The following APBA1 variants were observed in gnomAD, a reference collection of about 807,000 sequenced individuals.
APBA1 encodes amyloid beta precursor protein binding family A member 1.
Under a neutral mutation model 86.6 loss-of-function variants are expected in APBA1, and 55 were observed. That is an observed-to-expected ratio of 0.64 (90% CI 0.51 to 0.80). APBA1 has a LOEUF of 0.80. Among genes scored for constraint, APBA1 ranks in the 30% least tolerant of loss-of-function variants. The pLI is 0.00. For missense variants in APBA1, 1,090 were observed against 1,183.0 expected (o/e 0.92, Z 1.15); for synonymous variants, 511 against 493.9 (o/e 1.03, Z -0.46).
At chr9:69,575,139 A>C (rs1821760971) in intron 1 of APBA1, among the ~76,000 whole-genome samples, 2 of 152,080 alleles carry the variant, frequency 1.3e-5, no homozygotes, top group African/African-American at 4.8e-5. Flanking sequence ...GCTGGTTGCA[A>C]ACTCCTGGGC....
chr9:69,578,982 T>C (rs1821861269), intron 1 of APBA1, among the ~76,000 whole-genome samples: 1 of 152,176 alleles, frequency 6.6e-6, no homozygotes, highest in African/African-American at 2.4e-5. Context: ...GCCATTCTTT[T>C]ACTGAGTAAA....
chr9:69,617,836 AC>A (rs1439958201), intron 1 of APBA1, among the ~76,000 whole-genome samples: 5 of 152,118 alleles, frequency 3.3e-5, no homozygotes, highest in Non-Finnish European at 7.4e-5. Flanking sequence ...CTGTTGTGCG[AC>A]TTTCCCTCCT....
Position 69,435,860 on chromosome 9 carries a change from C to T in APBA1, c.2302-3184G>A, listed in dbSNP as rs578041415. On this transcript the variant is annotated intron_variant, in intron 11 of 12. Coordinates refer to ENST00000265381, the MANE Select transcript of APBA1 (RefSeq NM_001163.4). Reference sequence around the variant, plus strand: ...CTTTTGGTGTTTTAGACATGAAGTACTTGCCCATGCCTATGTCCTGAATGG... The same window carrying T: ...CTTTTGGTGTTTTAGACATGAAGTATTTGCCCATGCCTATGTCCTGAATGG... 9.2e-5 allele frequency among the ~76,000 whole-genome samples: 14 copies of T among 152,294 alleles called. No individual in the cohort carries two copies. In the East Asian group the frequency reaches 2.7e-3, roughly 29 times the overall value.
intron 1 of APBA1, among the ~76,000 whole-genome samples, chr9:69,594,742 C>T (rs1464798386): frequency 6.6e-6 from 1 of 152,134 alleles, no homozygotes; most frequent in African/African-American, 2.4e-5. Flanking sequence ...GAACTACTTT[C>T]CATCCAACAT....
intron 8 of APBA1, 105 bp downstream of exon 8, chr9:69,456,142 G>T: frequency 8.0e-7 from 1 of 1,251,862 alleles, no homozygotes; most frequent in Non-Finnish European, 1.2e-6. Context: ...CACACAGTAC[G>T]TGCACAATAA....
intron 5 of APBA1, 31 bp downstream of exon 5, chr9:69,467,791 CT>C (rs1285179652): frequency 6.8e-6 from 11 of 1,613,464 alleles, no homozygotes; most frequent in East Asian, 4.5e-5. Flanking sequence ...CACCAGCCCC[CT>C]GTCCCTGTTG....
chr9:69,646,776 G>A (rs1400468287), intron 1 of APBA1, among the ~76,000 whole-genome samples: 1 of 152,142 alleles, frequency 6.6e-6, no homozygotes, highest in Non-Finnish European at 1.5e-5. Flanking sequence ...ATTAATAACA[G>A]AGCTCCATTT....
At position 69,496,627 on chromosome 9, in the gene APBA1, C is replaced by T. The variant is rs947766400; in HGVS notation, c.1200+19384G>A. 5.9e-5 allele frequency among the ~76,000 whole-genome samples: 9 copies of T among 152,220 alleles called. No individual in the cohort carries two copies. The East Asian group carries it at 1.7e-3, about 29-fold the overall frequency. Reference sequence around the variant, plus strand: ...ATCCGAATCAGTGGGATGCAAGTCCCATAGCTGCTAGCCACCATTCTAGAA... The same window carrying T: ...ATCCGAATCAGTGGGATGCAAGTCCTATAGCTGCTAGCCACCATTCTAGAA... On this transcript the variant is annotated intron_variant, in intron 2 of 12. Transcript: ENST00000265381.
At chr9:69,594,225 C>T (rs1822187138) in intron 1 of APBA1, among the ~76,000 whole-genome samples, 1 of 152,112 alleles carries the variant, frequency 6.6e-6, no homozygotes, top group Non-Finnish European at 1.5e-5. Context: ...CTTCAATGTG[C>T]CTAAAATCAC....
intron 1 of APBA1, among the ~76,000 whole-genome samples, chr9:69,565,098 T>C (rs1287704907): frequency 1.3e-5 from 2 of 152,168 alleles, no homozygotes; most frequent in African/African-American, 4.8e-5. Context: ...TGTTCTAAAA[T>C]ACTTTTTCTA....
intron 10 of APBA1, among the ~76,000 whole-genome samples, chr9:69,446,505 G>T (rs1834910787): frequency 6.6e-6 from 1 of 152,192 alleles, no homozygotes; most frequent in South Asian, 2.1e-4. Context: ...AGACATCAAA[G>T]TTCAGCTCCT....
At position 69,619,956 on chromosome 9, in the gene APBA1, C is replaced by T. The variant is rs79047278; in HGVS notation, c.-70+52197G>A. The stretch of plus-strand genomic sequence containing the variant: ...TAAAAATTTGTATTCTCGGTTTCTA[C>T]GTGAAAAGTTACCTGAAATCTCTAG... On this transcript the variant is annotated intron_variant, in intron 1 of 12. Coordinates refer to ENST00000265381, the MANE Select transcript of APBA1 (RefSeq NM_001163.4). Among the ~76,000 whole-genome samples, 382 of 152,256 alleles carry T rather than the reference C, an allele frequency of 2.5e-3. 1 individual carries two copies. Among genetic ancestry groups the T allele is most frequent in the African/African-American group, 8.6e-3 (358 of 41,548 alleles).
intron 1 of APBA1, among the ~76,000 whole-genome samples, chr9:69,613,809 T>C (rs1822641081): frequency 1.3e-5 from 2 of 152,194 alleles, no homozygotes; most frequent in Admixed American, 1.3e-4. Flanking sequence ...TTTACATTTC[T>C]CTATAATACG....
intron 2 of APBA1, among the ~76,000 whole-genome samples, chr9:69,511,014 A>C (rs1836027732): frequency 6.6e-6 from 1 of 151,300 alleles, no homozygotes; most frequent in African/African-American, 2.4e-5. Context: ...AGGCATGGGC[A>C]AGGACTTCAT....
chr9:69,631,174 T>C (rs540464945), intron 1 of APBA1, among the ~76,000 whole-genome samples: 2 of 152,290 alleles, frequency 1.3e-5, no homozygotes, highest in Non-Finnish European at 2.9e-5. Context: ...TTGGCTGATA[T>C]CCAGAATCTA....
intron 2 of APBA1, among the ~76,000 whole-genome samples, chr9:69,510,713 C>G (rs2133882041): frequency 6.9e-6 from 1 of 144,102 alleles, no homozygotes; most frequent in Non-Finnish European, 1.5e-5. Flanking sequence ...GGTACTGGTA[C>G]CAAAACAGAG....
intron 2 of APBA1, among the ~76,000 whole-genome samples, chr9:69,498,329 C>T (rs189280286): frequency 1.3e-5 from 2 of 152,164 alleles, no homozygotes; most frequent in Admixed American, 1.3e-4. Context: ...GAAGCTGAGT[C>T]CTGCCCCACA....
chr9:69,543,970 A>G (rs1427122498), intron 1 of APBA1, among the ~76,000 whole-genome samples: 1 of 152,178 alleles, frequency 6.6e-6, no homozygotes, highest in Non-Finnish European at 1.5e-5. Flanking sequence ...GGCCTCTCAA[A>G]CTCAATTTCC....
intron 1 of APBA1, among the ~76,000 whole-genome samples, chr9:69,550,444 G>T (rs1429083559): frequency 6.6e-6 from 1 of 151,668 alleles, no homozygotes; most frequent in East Asian, 1.9e-4. Context: ...TTTTATAAGT[G>T]CCCTTCAATT....
Sources: allele counts gnomAD v4.1 joint callset (sites outside exome capture counted in the v4.1 genomes callset), GRCh38; gene constraint gnomAD v4.1.1; transcripts MANE v1.5; gene names NCBI Gene and HGNC (gene_info 2026-07-23, HGNC 2026-07-21).